RAP1GDS1: variants seen among roughly 807,000 people sequenced by gnomAD.
The protein encoded by RAP1GDS1 is Rap1 GTPase-GDP dissociation stimulator 1.
In RAP1GDS1, 35 loss-of-function variants were observed where a neutral mutation model predicts 71.1. That is an observed-to-expected ratio of 0.49 (90% CI 0.38 to 0.65). RAP1GDS1 has a LOEUF of 0.65. RAP1GDS1 is among the 30% of genes least tolerant of loss of function. The pLI, the probability that RAP1GDS1 is intolerant of heterozygous loss-of-function variation, is 0.00. For missense variants in RAP1GDS1, 663 were observed against 706.1 expected (o/e 0.94, Z 0.69); for synonymous variants, 229 against 243.1 (o/e 0.94, Z 0.54).
chr4:98,362,181 T>C (rs1167959965), intron 4 of RAP1GDS1, among the ~76,000 whole-genome samples: 1 of 152,216 alleles, frequency 6.6e-6, no homozygotes, highest in Non-Finnish European at 1.5e-5. Context: ...TAACTTTATC[T>C]TGAAAAACAA....
intron 4 of RAP1GDS1, among the ~76,000 whole-genome samples, chr4:98,375,364 A>G (rs919979467): frequency 2.0e-5 from 3 of 152,192 alleles, no homozygotes; most frequent in Admixed American, 1.3e-4. Context: ...TATATCTACA[A>G]TGACCCTGTG....
At chr4:98,318,210 A>T (rs1412465324) in intron 2 of RAP1GDS1, among the ~76,000 whole-genome samples, 2 of 152,168 alleles carry the variant, frequency 1.3e-5, no homozygotes, top group African/African-American at 4.8e-5. Flanking sequence ...AGTCTAGCTT[A>T]GTCTCTTAAT....
chr4:98,331,412 A>T (rs1734005460), intron 2 of RAP1GDS1, among the ~76,000 whole-genome samples: 1 of 151,770 alleles, frequency 6.6e-6, no homozygotes, highest in Non-Finnish European at 1.5e-5. Context: ...ATACTTTTAT[A>T]AAAATTCAAA....
chr4:98,288,762 T>A (rs1322734045), intron 1 of RAP1GDS1, among the ~76,000 whole-genome samples: 1 of 152,182 alleles, frequency 6.6e-6, no homozygotes, highest in Non-Finnish European at 1.5e-5. Context: ...TGGTTTTGAT[T>A]TGCATTTCTC....
chr4:98,394,008 C>T (rs1744139513), intron 6 of RAP1GDS1, among the ~76,000 whole-genome samples: 1 of 152,122 alleles, frequency 6.6e-6, no homozygotes, highest in African/African-American at 2.4e-5. Flanking sequence ...ATCCTTCACT[C>T]TGTTAAGGCC....
At chr4:98,303,445 T>C (rs999812600) in intron 2 of RAP1GDS1, among the ~76,000 whole-genome samples, 5 of 151,682 alleles carry the variant, frequency 3.3e-5, no homozygotes, top group African/African-American at 1.2e-4. Flanking sequence ...ATTGATTATA[T>C]ATTAAATCTT....
chr4:98,336,024 TAA>T (rs1734672219), intron 2 of RAP1GDS1, among the ~76,000 whole-genome samples: 1 of 152,082 alleles, frequency 6.6e-6, no homozygotes, highest in African/African-American at 2.4e-5. Context: ...TTGCAGATGC[TAA>T]ATCTCTTTAT....
intron 11 of RAP1GDS1, 125 bp from the exon 12 acceptor site, chr4:98,421,130 C>A: frequency 9.1e-7 from 1 of 1,096,746 alleles, no homozygotes; most frequent in Non-Finnish European, 1.3e-6. Context: ...ATTTGCAGTT[C>A]TAGCTTTAAT....
At chr4:98,337,806 G>A (rs1476255223) in intron 2 of RAP1GDS1, among the ~76,000 whole-genome samples, 1 of 152,130 alleles carries the variant, frequency 6.6e-6, no homozygotes, top group African/African-American at 2.4e-5. Context: ...AAGATGATTA[G>A]TATGGATTAC....
intron 1 of RAP1GDS1, among the ~76,000 whole-genome samples, chr4:98,291,573 T>G (rs72892376): frequency 0.019 from 2,953 of 152,286 alleles, 105 homozygotes; most frequent in African/African-American, 0.067. Context: ...ACTGGAGATA[T>G]AAGCATATGA....
intron 3 of RAP1GDS1, among the ~76,000 whole-genome samples, chr4:98,348,808 G>A (rs1223137830): frequency 6.6e-6 from 1 of 152,124 alleles, no homozygotes; most frequent in African/African-American, 2.4e-5. Flanking sequence ...AGTTTTTGAT[G>A]GGGTTGTTTG....
chr4:98,339,238 G>A (rs1345223056), intron 2 of RAP1GDS1, among the ~76,000 whole-genome samples: 1 of 152,118 alleles, frequency 6.6e-6, no homozygotes, highest in East Asian at 1.9e-4. Context: ...AGGGCTTCAG[G>A]GACAGAATGA....
intron 9 of RAP1GDS1, 43 bp downstream of exon 9, chr4:98,417,541 T>C (rs1346258966): frequency 6.3e-7 from 1 of 1,578,322 alleles, no homozygotes; most frequent in South Asian, 1.1e-5. Flanking sequence ...ATACTCTATA[T>C]TTGTTTATTT....
At chr4:98,347,049 G>T (rs1038115855) in intron 3 of RAP1GDS1, among the ~76,000 whole-genome samples, 12 of 152,180 alleles carry the variant, frequency 7.9e-5, no homozygotes, top group Admixed American at 4.6e-4. Flanking sequence ...TTATGATTTA[G>T]TCTAATAAAC....
At chr4:98,420,335 A>ATTATTTATTTAT (rs35020636) in intron 11 of RAP1GDS1, among the ~76,000 whole-genome samples, 191 bp downstream of exon 11, 4 of 149,808 alleles carry the variant, frequency 2.7e-5, no homozygotes, top group Admixed American at 2.0e-4. Context: ...ATTTATACAT[A>ATTATTTATTTAT]TTATTTATTT....
At chr4:98,389,075 A>G (rs1385609719) in intron 5 of RAP1GDS1, among the ~76,000 whole-genome samples, 5 of 149,530 alleles carry the variant, frequency 3.3e-5, no homozygotes, top group African/African-American at 7.6e-5. Context: ...GCTGGTGTTC[A>G]TGCTAAAATG....
chr4:98,352,145 C>T (rs577574136), intron 3 of RAP1GDS1, among the ~76,000 whole-genome samples: 1 of 152,036 alleles, frequency 6.6e-6, no homozygotes, highest in East Asian at 1.9e-4. Context: ...TCCATCATCA[C>T]ACATATTGCT....
chr4:98,388,922 A>G (rs1461281560), intron 5 of RAP1GDS1, among the ~76,000 whole-genome samples: 2 of 142,658 alleles, frequency 1.4e-5, no homozygotes, highest in East Asian at 1.9e-4. Context: ...TCATTTTAAA[A>G]TAAGAAACCT....
intron 4 of RAP1GDS1, among the ~76,000 whole-genome samples, chr4:98,372,676 A>G (rs1206982245): frequency 1.3e-5 from 2 of 152,064 alleles, no homozygotes; most frequent in Admixed American, 1.3e-4. Context: ...TCCCAAATAT[A>G]TTGATGTTAT....
Sources: allele counts gnomAD v4.1 joint callset (sites outside exome capture counted in the v4.1 genomes callset), GRCh38; gene constraint gnomAD v4.1.1; transcripts MANE v1.5; gene names NCBI Gene and HGNC (gene_info 2026-07-23, HGNC 2026-07-21).